ANO4: variants seen among roughly 807,000 people sequenced by gnomAD.
ANO4 encodes anoctamin 4.
In ANO4, 69 loss-of-function variants were observed where a neutral mutation model predicts 141.9. The observed-to-expected ratio is 0.49, with a 90% CI of 0.40 to 0.59. ANO4 has a LOEUF of 0.59. Ranked by LOEUF, ANO4 falls within the 20% of genes least tolerant of loss-of-function variation. The probability of loss-of-function intolerance (pLI) is 0.00; values close to 1 mark genes in which losing one functional copy is unlikely to be tolerated. For missense variants in ANO4, 894 were observed against 1,162.2 expected, an observed-to-expected ratio of 0.77 and a Z score of 3.36; for synonymous variants, 350 against 394.3, an observed-to-expected ratio of 0.89 and a Z score of 1.33.
chr12:100,739,793 A>C, intron 2 of ANO4: 1 of 681,992 alleles, frequency 1.5e-6, no homozygotes. Context: ...GGGAAGTATG[A>C]AAATAAGCAC....
chr12:100,756,394 G>C (rs569077109), intron 3 of ANO4, among the ~76,000 whole-genome samples: 11 of 152,244 alleles, frequency 7.2e-5, no homozygotes, highest in African/African-American at 2.6e-4. Flanking sequence ...CTGTTGCCCA[G>C]GCTGGAGTGC....
At chr12:100,895,115 G>C (rs2040287243) in intron 1 of ANO4, among the ~76,000 whole-genome samples, 1 of 151,154 alleles carries the variant, frequency 6.6e-6, no homozygotes, top group African/African-American at 2.4e-5. Context: ...TGCAGTTAAA[G>C]AGGAAACTCG....
chr12:101,033,432 C>T (rs970446992), intron 9 of ANO4, among the ~76,000 whole-genome samples: 5 of 151,848 alleles, frequency 3.3e-5, no homozygotes, highest in African/African-American at 1.2e-4. Flanking sequence ...CTGACCTGCA[C>T]AATGTGCACA....
rs764749444 is a variant in ANO4, at chr12:101,116,733, T to G, written c.2505T>G (p.Phe835Leu). 4 of 1,614,086 alleles carry G rather than the reference T, an allele frequency of 2.5e-6. No homozygotes were observed. Among genetic ancestry groups the G allele is most frequent in the Non-Finnish European group, 3.4e-6 (4 of 1,180,016 alleles). Residue 835 changes from phenylalanine to leucine, a missense_variant, in exon 25 of 28, where the codon TTT (phenylalanine) becomes TTG (leucine). Phe to Leu is a conservative substitution (Grantham distance 22). This residue lies in a region of ANO4 where 637 missense variants were observed against 909.2 expected (regional missense o/e 0.70). Transcript: ENST00000392977. The part of the protein sequence containing the change: ...ASLSVFRISD[F>L]ENRSEPESDG... ...TGTCTGTATTTCGAATTTCTGACTT[T>G]GAGAACCGATCTGAGCCTGAATCTG...
chr12:100,831,133 A>G (rs749001364), intron 1 of ANO4, among the ~76,000 whole-genome samples: 5 of 152,136 alleles, frequency 3.3e-5, no homozygotes, highest in Non-Finnish European at 7.4e-5. Context: ...TACTTGATAG[A>G]AAATGCTGTG....
intron 1 of ANO4, among the ~76,000 whole-genome samples, chr12:100,895,319 A>G (rs74348501): frequency 0.012 from 1,766 of 152,240 alleles, 21 homozygotes; most frequent in Non-Finnish European, 0.015. Flanking sequence ...CAGAACGACA[A>G]ATGTTCCTGT....
At chr12:100,883,560 G>A (rs187193401) in intron 1 of ANO4, among the ~76,000 whole-genome samples, 3 of 152,316 alleles carry the variant, frequency 2.0e-5, no homozygotes, top group East Asian at 1.9e-4. Context: ...TCTTGTACGT[G>A]CATAAAAGCA....
At chr12:101,065,979 T>C (rs1438649864) in intron 14 of ANO4, among the ~76,000 whole-genome samples, 1 of 152,250 alleles carries the variant, frequency 6.6e-6, no homozygotes, top group African/African-American at 2.4e-5. Flanking sequence ...ACCAGTGTGA[T>C]ACATCATATC....
chr12:100,827,834 C>T (rs1166587760), intron 1 of ANO4, among the ~76,000 whole-genome samples: 1 of 151,868 alleles, frequency 6.6e-6, no homozygotes, highest in Non-Finnish European at 1.5e-5. Flanking sequence ...CTGTTGGGGT[C>T]CCCAGGAAAA....
At chr12:100,770,714 A>G (rs1019285210) in intron 3 of ANO4, among the ~76,000 whole-genome samples, 5 of 151,962 alleles carry the variant, frequency 3.3e-5, no homozygotes, top group African/African-American at 1.2e-4. Flanking sequence ...TTGATGATGC[A>G]GATATCAAAA....
intron 22 of ANO4, among the ~76,000 whole-genome samples, chr12:101,105,974 G>C (rs541025211): frequency 7.2e-5 from 11 of 152,240 alleles, no homozygotes; most frequent in African/African-American, 2.6e-4. Flanking sequence ...TAGCTTGGTG[G>C]TGCGTGCCTG....
chr12:101,103,230 T>TATATAA (rs2050280979), intron 22 of ANO4, among the ~76,000 whole-genome samples: 1 of 136,186 alleles, frequency 7.3e-6, no homozygotes, highest in African/African-American at 2.7e-5. Flanking sequence ...TATATATATA[T>TATATAA]CTTTTTGTTC....
rs189540531 is a variant in ANO4 at position 100,900,184 on chromosome 12, A to G, written c.-140-1462A>G. On this transcript the variant is annotated intron_variant, in intron 1 of 27. Transcript: ENST00000392977. ...TGTCAGGAATAGTAACATCCAGCCTACTTCCAGCCTTTCTCTCTCTCTCTT... is the reference window on the plus strand; with the variant it reads ...TGTCAGGAATAGTAACATCCAGCCTGCTTCCAGCCTTTCTCTCTCTCTCTT... 9.2e-5 allele frequency among the ~76,000 whole-genome samples: 14 copies of G among 151,994 alleles called. 1 individual carries two copies. The South Asian group carries it at 1.3e-3, about 14-fold the overall frequency.
intron 3 of ANO4, among the ~76,000 whole-genome samples, chr12:100,936,413 CCAAA>C (rs2042290075): frequency 6.6e-6 from 1 of 152,096 alleles, no homozygotes; most frequent in Non-Finnish European, 1.5e-5. Flanking sequence ...AAATATATCT[CCAAA>C]CAATGTCAAA....
intron 9 of ANO4, among the ~76,000 whole-genome samples, chr12:101,026,131 C>T (rs2046724256): frequency 6.6e-6 from 1 of 152,138 alleles, no homozygotes; most frequent in Non-Finnish European, 1.5e-5. Context: ...TAAAGAAACT[C>T]ACAATGGAAT....
chr12:101,065,233 A>G (rs1369854281), intron 14 of ANO4, among the ~76,000 whole-genome samples: 1 of 152,184 alleles, frequency 6.6e-6, no homozygotes, highest in African/African-American at 2.4e-5. Context: ...GTGAAGAAGG[A>G]AACAGAAATT....
chr12:100,998,005 A>G (rs1264783504), intron 8 of ANO4, among the ~76,000 whole-genome samples: 5 of 152,304 alleles, frequency 3.3e-5, no homozygotes, highest in African/African-American at 4.8e-5. Context: ...TATACCTGTG[A>G]TGGTTAATAC....
chr12:100,975,335 T>C (rs2044121591), intron 7 of ANO4, among the ~76,000 whole-genome samples: 1 of 152,126 alleles, frequency 6.6e-6, no homozygotes, highest in East Asian at 1.9e-4. Flanking sequence ...CCCATTCTAT[T>C]AGATAAATTA....
chr12:101,069,137 A>G (rs896933608), intron 14 of ANO4: 39 of 1,312,652 alleles, frequency 3.0e-5, no homozygotes, highest in Non-Finnish European at 4.1e-5. Flanking sequence ...GGCAGCATTT[A>G]GAAAGAATCT....
Sources: gnomAD v4.1 joint callset for allele counts (sites outside exome capture counted in the v4.1 genomes callset) on GRCh38, gnomAD v4.1.1 for gene constraint, gnomAD v4.1.1 regional missense constraint, MANE v1.5 for transcripts, NCBI Gene and HGNC (gene_info 2026-07-23, HGNC 2026-07-21) for gene names.